SHROOM3: variants seen among roughly 807,000 people sequenced by gnomAD.
SHROOM3 encodes shroom family member 3, also known as protein Shroom3.
SHROOM3 carries 47 observed loss-of-function variants against 138.6 expected under a neutral mutation model. The ratio of observed to expected loss-of-function variants is 0.34; its 90% CI spans 0.27 to 0.43. The LOEUF is 0.43. SHROOM3 is among the 20% of genes least tolerant of loss of function. The pLI is 1.00. For synonymous variants in SHROOM3, 1,062 were observed against 1,063.3 expected (o/e 1.00, Z 0.02); for missense variants, 2,491 against 2,596.5 (o/e 0.96, Z 0.88).
intron 4 of SHROOM3, among the ~76,000 whole-genome samples, chr4:76,735,467 A>C (rs1261689398): frequency 6.6e-6 from 1 of 152,094 alleles, no homozygotes; most frequent in Non-Finnish European, 1.5e-5. Flanking sequence ...TACAGGAAGG[A>C]ACCCACTATA....
chr4:76,759,504 C>A (rs367697752), intron 8 of SHROOM3, 41 bp from the exon 9 acceptor site: 6 of 1,612,752 alleles, frequency 3.7e-6, no homozygotes, highest in Admixed American at 3.3e-5. Flanking sequence ...AAGCCTCTGG[C>A]GTGATCTGTG....
At chr4:76,758,887 CAG>C (rs1303206393) in intron 8 of SHROOM3, among the ~76,000 whole-genome samples, 1 of 152,094 alleles carries the variant, frequency 6.6e-6, no homozygotes, top group African/African-American at 2.4e-5. Context: ...TGTGGTAAAA[CAG>C]AGAACTACTA....
At chr4:76,474,360 A>C (rs1306986665) in intron 1 of SHROOM3, among the ~76,000 whole-genome samples, 1 of 152,214 alleles carries the variant, frequency 6.6e-6, no homozygotes, top group Non-Finnish European at 1.5e-5. Context: ...GAAATTAGAT[A>C]GTGGTAAGAT....
rs774117551 is a variant in SHROOM3 at position 76,741,239 on chromosome 4, G to T, written c.3066G>T (p.Glu1022Asp). The change falls in exon 5 of 11, where the codon GAG (glutamate) becomes GAT (aspartate). Residue 1022 changes from glutamate (E) to aspartate (D), a missense_variant. Physicochemically the swap from Glu to Asp is conservative, Grantham distance 45. Coordinates refer to ENST00000296043, the MANE Select transcript of SHROOM3 (RefSeq NM_020859.4). This position sits in a 1 kb window ranked among gnomAD's most constrained non-coding sequence, Gnocchi z 6.2. ...TPEQKKRSYS[E>D]PEKMNEVGIV... ...AGCAGAAGAAGCGCTCCTACTCGGAGCCCGAGAAGATGAACGAGGTGGGGA... is the reference window on the plus strand; with the variant it reads ...AGCAGAAGAAGCGCTCCTACTCGGATCCCGAGAAGATGAACGAGGTGGGGA... The T allele has an allele frequency of 6.2e-7, 1 of 1,611,352 alleles. No homozygotes were observed.
At chr4:76,715,202 T>A (rs1031442790) in intron 3 of SHROOM3, among the ~76,000 whole-genome samples, 1 of 152,166 alleles carries the variant, frequency 6.6e-6, no homozygotes. Context: ...TATTCATAGC[T>A]CCTTCATTGT....
At chr4:76,460,624 C>T (rs1363196119) in intron 1 of SHROOM3, among the ~76,000 whole-genome samples, 1 of 151,826 alleles carries the variant, frequency 6.6e-6, no homozygotes, top group African/African-American at 2.4e-5. Flanking sequence ...CAGAGGCTGC[C>T]TTCTTACTGT....
chr4:76,470,993 G>GGT (rs1352090369), intron 1 of SHROOM3, among the ~76,000 whole-genome samples: 2 of 151,668 alleles, frequency 1.3e-5, no homozygotes, highest in Non-Finnish European at 2.9e-5. Flanking sequence ...AAAATTAGGG[G>GGT]GTGTGTGTGT....
chr4:76,575,753 A>C (rs891177676), intron 2 of SHROOM3: 5 of 152,348 alleles, frequency 3.3e-5, no homozygotes, highest in Admixed American at 1.3e-4. Flanking sequence ...AATAAAAACT[A>C]TTAATATAAT....
rs1191699935 is a variant in SHROOM3 at position 76,755,012 on chromosome 4, T to C, written c.4529T>C (p.Val1510Ala). 1.2e-6 allele frequency: 2 copies of C among 1,610,850 alleles called. No homozygotes were observed. Among genetic ancestry groups the C allele is most frequent in the East Asian group, 4.5e-5 (2 of 44,814 alleles). ...PHEDYEDEVF[V>A]RDPHPKATSS... ...GAGGATTATGAAGACGAAGTGTTTG[T>C]GAGGGATCCGCACCCCAAGGCCACG... The change falls in exon 7 of 11, where the codon GTG (valine) becomes GCG (alanine). Residue 1510 changes from valine (V) to alanine (A), a missense_variant. Around this residue, in one of 4 missense-constraint regions of SHROOM3, gnomAD observed 1,733 missense variants for 1,661.6 expected, o/e 1.04. Coordinates refer to ENST00000296043, the MANE Select transcript of SHROOM3 (RefSeq NM_020859.4).
intron 2 of SHROOM3, among the ~76,000 whole-genome samples, chr4:76,636,736 A>C (rs962316171): frequency 7.2e-5 from 11 of 152,280 alleles, no homozygotes; most frequent in African/African-American, 2.4e-4. Flanking sequence ...CTGAATGAGC[A>C]TGGGTTTGTG....
chr4:76,619,899 T>C (rs748444241), intron 2 of SHROOM3, among the ~76,000 whole-genome samples: 3 of 151,754 alleles, frequency 2.0e-5, no homozygotes, highest in Non-Finnish European at 4.4e-5. Context: ...CTGTCTCTAC[T>C]AAAAATACAA....
At chr4:76,526,001 G>A (rs1011775446) in intron 1 of SHROOM3, among the ~76,000 whole-genome samples, 3 of 152,170 alleles carry the variant, frequency 2.0e-5, no homozygotes, top group Non-Finnish European at 2.9e-5. Flanking sequence ...GCACCACTAA[G>A]CTGAAACCAA....
intron 2 of SHROOM3, among the ~76,000 whole-genome samples, chr4:76,591,891 A>T (rs1383594242): frequency 2.6e-5 from 4 of 152,236 alleles, no homozygotes; most frequent in Non-Finnish European, 5.9e-5. Flanking sequence ...AGCTGTGAAT[A>T]AAAGTAGACA....
chr4:76,651,713 C>G (rs552529092), intron 2 of SHROOM3, among the ~76,000 whole-genome samples: 96 of 152,156 alleles, frequency 6.3e-4, no homozygotes, highest in African/African-American at 2.2e-3. Flanking sequence ...AATTAATTGT[C>G]CAAGCCAAAG....
chr4:76,474,822 G>A (rs569667409), intron 1 of SHROOM3, among the ~76,000 whole-genome samples: 1 of 152,240 alleles, frequency 6.6e-6, no homozygotes, highest in African/African-American at 2.4e-5. Context: ...AGCTACTTGA[G>A]AGGCTGAGGC....
chr4:76,713,870 G>A (rs76753867), intron 3 of SHROOM3, among the ~76,000 whole-genome samples: 361 of 152,236 alleles, frequency 2.4e-3, no homozygotes, highest in Non-Finnish European at 4.1e-3. Context: ...TAAATTGTAA[G>A]CCCTATGTTA....
intron 1 of SHROOM3, among the ~76,000 whole-genome samples, chr4:76,436,528 T>C (rs1052775854): frequency 1.3e-5 from 2 of 152,234 alleles, no homozygotes; most frequent in African/African-American, 2.4e-5. Context: ...TAAAGATTAA[T>C]AACATGGTTA....
intron 2 of SHROOM3, among the ~76,000 whole-genome samples, chr4:76,576,363 T>G (rs1733941042): frequency 6.6e-6 from 1 of 152,178 alleles, no homozygotes; most frequent in South Asian, 2.1e-4. Context: ...TAGATCAAAC[T>G]GGAGATCACT....
At chr4:76,778,428 G>A (rs1214507725) in intron 10 of SHROOM3, among the ~76,000 whole-genome samples, 1 of 151,974 alleles carries the variant, frequency 6.6e-6, no homozygotes, top group Non-Finnish European at 1.5e-5. Flanking sequence ...CACCATGTTG[G>A]CCAGGCTGGG....
Sources: allele counts gnomAD v4.1 joint callset (sites outside exome capture counted in the v4.1 genomes callset), GRCh38; gene constraint gnomAD v4.1.1; regional missense constraint gnomAD v4.1.1; non-coding constraint Gnocchi (gnomAD v3.1); transcripts MANE v1.5; gene names NCBI Gene and HGNC (gene_info 2026-07-23, HGNC 2026-07-21).